Variants in CCDC60 observed in about 807,000 individuals in gnomAD.
CCDC60 encodes coiled-coil domain containing 60, also known as coiled-coil domain-containing protein 60.
In CCDC60, 54 loss-of-function variants were observed where a neutral mutation model predicts 63.5. The observed-to-expected ratio is 0.85, with a 90% CI of 0.68 to 1.07. CCDC60 has a LOEUF of 1.07. Among genes scored for constraint, CCDC60 ranks in the 50% least tolerant of loss-of-function variants. The pLI is 0.00. For missense variants in CCDC60, 651 were observed against 684.3 expected (o/e 0.95, Z 0.54); for synonymous variants, 206 against 238.8 (o/e 0.86, Z 1.27).
intron 1 of CCDC60, among the ~76,000 whole-genome samples, chr12:119,399,951 C>G (rs764236705): frequency 6.6e-6 from 1 of 152,160 alleles, no homozygotes; most frequent in African/African-American, 2.4e-5. Context: ...GTATCGTGCA[C>G]TCCATGCTCT....
chr12:119,463,004 C>A (rs509191), intron 2 of CCDC60, among the ~76,000 whole-genome samples: 22,652 of 151,678 alleles, frequency 0.15, 1,853 homozygotes, highest in East Asian at 0.3. Flanking sequence ...TTGTATTTTT[C>A]GTAGAGACAG....
At chr12:119,352,129 G>C (rs919035027) in intron 1 of CCDC60, among the ~76,000 whole-genome samples, 2 of 152,170 alleles carry the variant, frequency 1.3e-5, no homozygotes, top group African/African-American at 4.8e-5. Flanking sequence ...GTAGGAGAGA[G>C]AGAAAGTGAA....
intron 1 of CCDC60, among the ~76,000 whole-genome samples, chr12:119,408,039 C>T (rs1265088726): frequency 1.3e-5 from 2 of 152,070 alleles, no homozygotes; most frequent in Non-Finnish European, 2.9e-5. Flanking sequence ...CATATGGGAG[C>T]CAGCTAATGG....
At chr12:119,430,756 C>T (rs967502866) in intron 2 of CCDC60, among the ~76,000 whole-genome samples, 3 of 151,854 alleles carry the variant, frequency 2.0e-5, no homozygotes, top group Admixed American at 6.6e-5. Flanking sequence ...CAGGAGAAAC[C>T]GACCCTGCTG....
intron 5 of CCDC60, among the ~76,000 whole-genome samples, chr12:119,491,982 G>A (rs373704808): frequency 5.9e-5 from 9 of 152,162 alleles, no homozygotes; most frequent in South Asian, 2.1e-4. Context: ...GTAAAAAGAC[G>A]TAGTGGTCAC....
In CCDC60 at chr12:119,472,176, C is replaced by T; in HGVS notation, c.341+12C>T. 6.2e-7 allele frequency: 1 copy of T among 1,612,144 alleles called. No individual in the cohort carries two copies. Among genetic ancestry groups the T allele is most frequent in the Non-Finnish European group, 8.5e-7 (1 of 1,178,788 alleles). On this transcript the variant is annotated intron_variant, in intron 3 of 13. Transcript: ENST00000327554. ...GACACCTTATTGAGGTAAGTGGATG[C>T]AGTAGCTGTGGCACTGAAGGTTTTG...
At chr12:119,523,590 C>T in intron 10 of CCDC60, 103 bp from the exon 11 acceptor site, 1 of 1,527,930 alleles carries the variant, frequency 6.5e-7, no homozygotes, top group Non-Finnish European at 8.8e-7. Context: ...GGGAGTCCCC[C>T]ATGCAGAGCA....
intron 2 of CCDC60, among the ~76,000 whole-genome samples, chr12:119,465,340 C>A (rs756333070): frequency 2.6e-5 from 4 of 151,704 alleles, no homozygotes; most frequent in Admixed American, 6.6e-5. Flanking sequence ...AAAAATAAAT[C>A]TCTGAACCCA....
chr12:119,408,015 GT>G (rs934081762), intron 1 of CCDC60, among the ~76,000 whole-genome samples: 2 of 151,940 alleles, frequency 1.3e-5, no homozygotes, highest in Non-Finnish European at 1.5e-5. Context: ...AAATAAAAAG[GT>G]TTTTTTTAAA....
intron 1 of CCDC60, among the ~76,000 whole-genome samples, chr12:119,396,790 A>G (rs939997512): frequency 2.2e-4 from 33 of 152,342 alleles, no homozygotes; most frequent in Non-Finnish European, 1.5e-4. Flanking sequence ...CTGAGGCAGG[A>G]GGATCACTTG....
At chr12:119,464,300 A>AC (rs150577538) in intron 2 of CCDC60, among the ~76,000 whole-genome samples, 2,877 of 53,596 alleles carry the variant, frequency 0.054, 145 homozygotes, top group Non-Finnish European at 0.073. Context: ...TGCAAGAGCA[A>AC]CCCCCCCCCC....
At chr12:119,474,934 C>A (rs1019404134) in intron 3 of CCDC60, among the ~76,000 whole-genome samples, 1 of 152,142 alleles carries the variant, frequency 6.6e-6, no homozygotes, top group Non-Finnish European at 1.5e-5. Context: ...CAGAGGAGAA[C>A]AGGACCTCTT....
At chr12:119,405,946 C>T (rs1956480440) in intron 1 of CCDC60, among the ~76,000 whole-genome samples, 1 of 152,012 alleles carries the variant, frequency 6.6e-6, no homozygotes, top group Admixed American at 6.6e-5. Flanking sequence ...CCAAGGCAGG[C>T]GGATCCCCAG....
At chr12:119,470,829 G>A (rs143733908) in intron 2 of CCDC60, among the ~76,000 whole-genome samples, 64 of 152,214 alleles carry the variant, frequency 4.2e-4, no homozygotes, top group Non-Finnish European at 6.8e-4. Flanking sequence ...TTGACATCAT[G>A]TATCTCTCTC....
intron 1 of CCDC60, among the ~76,000 whole-genome samples, chr12:119,367,335 A>G (rs1039939734): frequency 6.6e-6 from 1 of 151,970 alleles, no homozygotes; most frequent in Non-Finnish European, 1.5e-5. Flanking sequence ...AGTAAGTTAA[A>G]CCCTCTCCAG....
chr12:119,489,620 G>C (rs1951537412), intron 5 of CCDC60, among the ~76,000 whole-genome samples: 1 of 152,184 alleles, frequency 6.6e-6, no homozygotes, highest in South Asian at 2.1e-4. Context: ...TTTAAGAAGG[G>C]TCAGGTTGTT....
chr12:119,401,546 T>A (rs1956392228), intron 1 of CCDC60, among the ~76,000 whole-genome samples: 1 of 152,226 alleles, frequency 6.6e-6, no homozygotes, highest in Non-Finnish European at 1.5e-5. Context: ...ACAAGGGCAT[T>A]GAGCTCAGCC....
At chr12:119,375,442 T>A (rs1955941750) in intron 1 of CCDC60, among the ~76,000 whole-genome samples, 1 of 152,152 alleles carries the variant, frequency 6.6e-6, no homozygotes. Context: ...AGTACACCAT[T>A]GCTTTCTCCG....
At chr12:119,519,755 G>T (rs576954675) in intron 8 of CCDC60, among the ~76,000 whole-genome samples, 33 of 151,826 alleles carry the variant, frequency 2.2e-4, no homozygotes, top group Admixed American at 6.6e-5. Flanking sequence ...GAACCATGAC[G>T]CCTGGCCAGT....
Sources: gnomAD v4.1 joint callset for allele counts (sites outside exome capture counted in the v4.1 genomes callset) on GRCh38, gnomAD v4.1.1 for gene constraint, MANE v1.5 for transcripts, NCBI Gene and HGNC (gene_info 2026-07-23, HGNC 2026-07-21) for gene names.